Variants in PTPRT observed in about 807,000 individuals in gnomAD.
PTPRT encodes the protein protein tyrosine phosphatase receptor type T.
PTPRT carries 56 observed loss-of-function variants against 176.8 expected under a neutral mutation model. The ratio of observed to expected loss-of-function variants is 0.32; its 90% confidence interval spans 0.26 to 0.40. PTPRT has a LOEUF of 0.40. PTPRT is among the 10% of genes least tolerant of loss of function. PTPRT has a pLI of 1.00. For synonymous variants in PTPRT, 783 were observed against 739.0 expected, an observed-to-expected ratio of 1.06 and a Z score of -0.96; for missense variants, 1,540 against 1,908.2, an observed-to-expected ratio of 0.81 and a Z score of 3.60.
At chr20:42,307,696 T>C (rs2145338616) in intron 12 of PTPRT, among the ~76,000 whole-genome samples, 1 of 152,256 alleles carries the variant, frequency 6.6e-6, no homozygotes, top group East Asian at 1.9e-4. Context: ...CAGGAACAGA[T>C]ATCAGGCTTG....
intron 1 of PTPRT, among the ~76,000 whole-genome samples, chr20:43,004,724 A>G (rs758133607): frequency 3.3e-5 from 5 of 152,238 alleles, no homozygotes; most frequent in Admixed American, 6.5e-5. Flanking sequence ...AGAATGGCAC[A>G]ATAGCATCAC....
intron 2 of PTPRT, among the ~76,000 whole-genome samples, chr20:42,835,527 G>A (rs1346408727): frequency 2.0e-5 from 3 of 152,132 alleles, no homozygotes; most frequent in African/African-American, 7.2e-5. Flanking sequence ...AGCAAAAGGA[G>A]CTGAGTCTGG....
At chr20:43,054,935 T>A (rs1332877809) in intron 1 of PTPRT, among the ~76,000 whole-genome samples, 2 of 152,202 alleles carry the variant, frequency 1.3e-5, no homozygotes, top group African/African-American at 4.8e-5. Context: ...TCAAAGAATT[T>A]ATTTTCAAAG....
chr20:42,542,443 T>A (rs1438745737), intron 7 of PTPRT, among the ~76,000 whole-genome samples: 1 of 152,120 alleles, frequency 6.6e-6, no homozygotes, highest in African/African-American at 2.4e-5. Flanking sequence ...GATGGTCAAA[T>A]TCCAGACACA....
At chr20:43,173,260 A>C (rs2015047835) in intron 1 of PTPRT, among the ~76,000 whole-genome samples, 1 of 152,208 alleles carries the variant, frequency 6.6e-6, no homozygotes. Flanking sequence ...TTAACACTGC[A>C]GTCACAGAGC....
rs80285061 is a variant in PTPRT at position 43,169,486 on chromosome 20, C to T, written c.88+20160G>A. Among the ~76,000 whole-genome samples, 712 of 152,270 alleles carry T rather than the reference C, an allele frequency of 4.7e-3. 4 individuals are homozygous for T. The highest frequency in any genetic ancestry group is 0.01 in the Middle Eastern group (3 of 294). Reference sequence around the variant, plus strand: ...TTCATCACTGCTTTTTACATTTATACCTCCTAATTCAACACTGGGGGTTAT... The same window carrying T: ...TTCATCACTGCTTTTTACATTTATATCTCCTAATTCAACACTGGGGGTTAT... On this transcript the variant is annotated intron_variant, in intron 1 of 30. Coordinates refer to ENST00000373187, the MANE Select transcript of PTPRT (RefSeq NM_007050.6).
At chr20:42,587,069 C>G (rs1039027068) in intron 7 of PTPRT, among the ~76,000 whole-genome samples, 6 of 152,190 alleles carry the variant, frequency 3.9e-5, no homozygotes, top group African/African-American at 1.4e-4. Context: ...TCACCATCCT[C>G]AACCACATTT....
chr20:42,304,536 A>C (rs187958814), intron 12 of PTPRT, among the ~76,000 whole-genome samples: 1 of 152,292 alleles, frequency 6.6e-6, no homozygotes, highest in East Asian at 1.9e-4. Flanking sequence ...AGCCTAAGTC[A>C]CTTGCCTAAG....
At chr20:42,560,099 G>A (rs1199789269) in intron 7 of PTPRT, among the ~76,000 whole-genome samples, 15 of 152,194 alleles carry the variant, frequency 9.9e-5, no homozygotes, top group Admixed American at 9.8e-4. Flanking sequence ...CCATCCTGTT[G>A]TCTGAGGAGG....
At chr20:42,628,217 G>C (rs544170620) in intron 7 of PTPRT, among the ~76,000 whole-genome samples, 3 of 152,268 alleles carry the variant, frequency 2.0e-5, no homozygotes, top group Admixed American at 6.5e-5. Flanking sequence ...GTTATAAGGA[G>C]GCAGAGGGAA....
At chr20:42,113,853 A>C (rs1987140303) in intron 22 of PTPRT, among the ~76,000 whole-genome samples, 1 of 152,216 alleles carries the variant, frequency 6.6e-6, no homozygotes, top group Non-Finnish European at 1.5e-5. Flanking sequence ...GGGAGTTCAC[A>C]GGCTTCCTGA....
chr20:42,766,374 T>C (rs891271129), intron 5 of PTPRT, among the ~76,000 whole-genome samples: 1 of 152,360 alleles, frequency 6.6e-6, no homozygotes, highest in East Asian at 1.9e-4. Context: ...CTTATAATTT[T>C]TTACTAGCCT....
chr20:42,704,764 A>G (rs183393555), intron 6 of PTPRT, among the ~76,000 whole-genome samples: 51 of 152,304 alleles, frequency 3.3e-4, no homozygotes, highest in African/African-American at 1.2e-3. Context: ...CAGACTGCAA[A>G]GCTCTCTGAA....
At chr20:42,149,920 ATGGGAGGCTCAGACCACATGAC>A (rs1989049259) in intron 17 of PTPRT, among the ~76,000 whole-genome samples, 1 of 152,140 alleles carries the variant, frequency 6.6e-6, no homozygotes, top group Admixed American at 6.5e-5. Context: ...AGCTGAGCCC[ATGGGAGGCTCAGACCACATGAC>A]CACAAGTCAC....
intron 7 of PTPRT, among the ~76,000 whole-genome samples, chr20:42,564,707 T>C (rs551264631): frequency 5.5e-4 from 83 of 152,210 alleles, no homozygotes; most frequent in African/African-American, 1.9e-3. Context: ...TGTATATCTA[T>C]GTAACAAACC....
At chr20:42,718,344 T>C (rs1197815783) in intron 6 of PTPRT, among the ~76,000 whole-genome samples, 3 of 152,132 alleles carry the variant, frequency 2.0e-5, no homozygotes, top group Non-Finnish European at 4.4e-5. Context: ...AAGACCATAC[T>C]GGCTAACACG....
At chr20:42,481,916 T>C (rs1222634168) in intron 7 of PTPRT, among the ~76,000 whole-genome samples, 4 of 152,106 alleles carry the variant, frequency 2.6e-5, no homozygotes, top group Non-Finnish European at 2.9e-5. Flanking sequence ...GCAACACTAG[T>C]GTACTTATGG....
chr20:42,143,842 G>A (rs1264155088), intron 17 of PTPRT, among the ~76,000 whole-genome samples: 1 of 152,174 alleles, frequency 6.6e-6, no homozygotes, highest in Non-Finnish European at 1.5e-5. Flanking sequence ...TTACCACTGT[G>A]GGCAACTGGG....
At chr20:42,438,947 G>A (rs980214063) in intron 9 of PTPRT, among the ~76,000 whole-genome samples, 4 of 152,208 alleles carry the variant, frequency 2.6e-5, no homozygotes, top group African/African-American at 9.6e-5. Flanking sequence ...GCTCTAATGC[G>A]ACCAGGTACA....
Sources: allele counts gnomAD v4.1 joint callset (sites outside exome capture counted in the v4.1 genomes callset), GRCh38; gene constraint gnomAD v4.1.1; transcripts MANE v1.5; gene names NCBI Gene and HGNC (gene_info 2026-07-23, HGNC 2026-07-21).